The following SPMIP5 variants were observed in gnomAD, a reference collection of about 807,000 sequenced individuals.
SPMIP5 encodes sperm-associated microtubule inner protein 5.
the SPMIP5 span, chr10:116,665,517 G>A: frequency 1.1e-5 from 13 of 1,187,224 alleles, no homozygotes; most frequent in Admixed American, 1.7e-4. Flanking sequence ...AACGGTGCGG[G>A]ATTCTGGGTG....
the SPMIP5 span, chr10:116,663,670 G>A: frequency 1.2e-5 from 6 of 484,322 alleles, no homozygotes; most frequent in Admixed American, 1.5e-4. Flanking sequence ...ATAACCTGGA[G>A]AAAACCCGCA....
the SPMIP5 span, chr10:116,668,356 C>T: frequency 2.0e-6 from 3 of 1,535,746 alleles, no homozygotes; most frequent in Non-Finnish European, 2.7e-6. Context: ...ATGAAACGGT[C>T]TCATCAAAAG....
At chr10:116,664,663 C>A in the SPMIP5 span, 1 of 1,536,940 alleles carries the variant, frequency 6.5e-7, no homozygotes. Flanking sequence ...CACAAATAGT[C>A]CTAGTGCTGG....
the SPMIP5 span, chr10:116,665,233 C>A: frequency 1.5e-6 from 1 of 676,812 alleles, no homozygotes; most frequent in Non-Finnish European, 2.0e-6. Flanking sequence ...CCCGTCTCTA[C>A]TAAAAATACA....
the SPMIP5 span, chr10:116,665,165 G>A: frequency 7.9e-7 from 1 of 1,263,124 alleles, no homozygotes; most frequent in African/African-American, 1.5e-5. Flanking sequence ...GGGAGGCTGA[G>A]GCAGGCAGAT....
At chr10:116,666,053 C>T in the SPMIP5 span, among the ~76,000 whole-genome samples, 2 of 152,154 alleles carry the variant, frequency 1.3e-5, no homozygotes, top group Non-Finnish European at 2.9e-5. Context: ...AGGGAAGGCC[C>T]ATTTCAACAA....
the SPMIP5 span, chr10:116,664,070 G>A: frequency 4.7e-5 from 75 of 1,609,452 alleles, no homozygotes; most frequent in Admixed American, 1.0e-4. Context: ...GGAACCGTCC[G>A]TGTGAGTTGC....
chr10:116,665,289 T>TGGCTGAGGCTGA, the SPMIP5 span: 1 of 405,256 alleles, frequency 2.5e-6, no homozygotes, highest in African/African-American at 2.1e-5. Flanking sequence ...CTCAGCTACT[T>TGGCTGAGGCTGA]GGCTGAGGCT....
the SPMIP5 span, chr10:116,665,610 A>G: frequency 6.2e-7 from 1 of 1,610,806 alleles, no homozygotes; most frequent in African/African-American, 1.3e-5. Context: ...GCTGCTACCC[A>G]GGATCAGGGG....
At chr10:116,664,924 G>A in the SPMIP5 span, 168 of 1,613,700 alleles carry the variant, frequency 1.0e-4, no homozygotes, top group Middle Eastern at 1.5e-3. Context: ...GGCTCCTGGA[G>A]AGGTTTCTTT....
chr10:116,664,008 G>T, the SPMIP5 span: 1 of 1,551,514 alleles, frequency 6.4e-7, no homozygotes. Flanking sequence ...GCGGAGTTTT[G>T]GGGTCCTCTC....
the SPMIP5 span, chr10:116,665,524 G>A: frequency 7.9e-7 from 1 of 1,260,406 alleles, no homozygotes; most frequent in East Asian, 2.3e-5. Context: ...CGGGATTCTG[G>A]GTGCTATGGG....
At chr10:116,665,583 G>A in the SPMIP5 span, 3 of 1,600,338 alleles carry the variant, frequency 1.9e-6, no homozygotes, top group Admixed American at 3.4e-5. Flanking sequence ...AGGGGTGAGG[G>A]GAAATGGTTT....
At chr10:116,664,807 C>T in the SPMIP5 span, 1 of 1,614,148 alleles carries the variant, frequency 6.2e-7, no homozygotes, top group Non-Finnish European at 8.5e-7. Context: ...TCCGTGATCT[C>T]CAGGAAGTCC....
chr10:116,664,593 C>A, the SPMIP5 span: 1 of 1,327,184 alleles, frequency 7.5e-7, no homozygotes, highest in Non-Finnish European at 1.0e-6. Flanking sequence ...GCAGAGGGCA[C>A]CTGCCTACTG....
the SPMIP5 span, chr10:116,665,034 G>C: frequency 6.5e-7 from 1 of 1,527,338 alleles, no homozygotes; most frequent in Non-Finnish European, 8.7e-7. Context: ...CTTGTGACTT[G>C]CCTAGGGTCT....
chr10:116,665,739 C>T, the SPMIP5 span: 15 of 1,614,042 alleles, frequency 9.3e-6, no homozygotes, highest in East Asian at 2.2e-5. Flanking sequence ...TTCTTTATAG[C>T]GCTGTGTTTT....
At chr10:116,668,933 G>GCACACACACACA in the SPMIP5 span, among the ~76,000 whole-genome samples, 24,681 of 135,036 alleles carry the variant, frequency 0.18, 2,566 homozygotes, top group Non-Finnish European at 0.22. Context: ...GCACACACAT[G>GCACACACACACA]CACACACACA....
At chr10:116,662,688 A>G in the SPMIP5 span, among the ~76,000 whole-genome samples, 4 of 152,154 alleles carry the variant, frequency 2.6e-5, no homozygotes, top group Non-Finnish European at 4.4e-5. Context: ...GAGGGAGGTC[A>G]GGGTGCCTGC....
Sources: gnomAD v4.1 joint callset for allele counts (sites outside exome capture counted in the v4.1 genomes callset) on GRCh38, gnomAD v4.1.1 for gene constraint, MANE v1.5 for transcripts, NCBI Gene and HGNC (gene_info 2026-07-23, HGNC 2026-07-21) for gene names.